The following POU6F2 variants were observed in gnomAD, a reference collection of about 807,000 sequenced individuals.
POU6F2 encodes the protein POU class 6 homeobox 2, also known as POU domain, class 6, transcription factor 2.
A neutral mutation model predicts 71.3 loss-of-function variants in POU6F2; 31 were observed. The observed-to-expected ratio is 0.43, with a 90% CI of 0.33 to 0.59. The LOEUF is 0.59. POU6F2 is among the 20% of genes least tolerant of loss of function. The pLI is 0.04. For missense variants in POU6F2, 783 were observed against 856.8 expected (o/e 0.91, Z 1.07); for synonymous variants, 347 against 355.7 (o/e 0.98, Z 0.27).
intron 2 of POU6F2, among the ~76,000 whole-genome samples, chr7:39,133,412 C>T (rs1792329159): frequency 6.6e-6 from 1 of 152,202 alleles, no homozygotes; most frequent in Non-Finnish European, 1.5e-5. Context: ...GTGTCAGTGT[C>T]TTATCTGCAA....
chr7:39,394,653 C>G (rs955170163), intron 5 of POU6F2, among the ~76,000 whole-genome samples: 1 of 152,166 alleles, frequency 6.6e-6, no homozygotes, highest in Non-Finnish European at 1.5e-5. Flanking sequence ...TTTCTGACAT[C>G]CCACAATCCC....
intron 7 of POU6F2, among the ~76,000 whole-genome samples, chr7:39,443,175 C>G (rs1788444568): frequency 1.3e-5 from 2 of 152,304 alleles, no homozygotes; most frequent in South Asian, 4.1e-4. Flanking sequence ...CTAACCACCA[C>G]CACTGTCCTC....
intron 4 of POU6F2, among the ~76,000 whole-genome samples, chr7:39,250,253 C>G (rs926255141): frequency 9.9e-5 from 15 of 152,170 alleles, no homozygotes; most frequent in Admixed American, 3.3e-4. Context: ...AAACAGTGAC[C>G]GTGATCTTGA....
At chr7:39,223,146 A>G (rs925810601) in intron 4 of POU6F2, among the ~76,000 whole-genome samples, 1 of 152,116 alleles carries the variant, frequency 6.6e-6, no homozygotes, top group African/African-American at 2.4e-5. Context: ...GTGATATCTC[A>G]TTATGGTTGA....
At chr7:39,260,341 C>T (rs990481025) in intron 4 of POU6F2, among the ~76,000 whole-genome samples, 5 of 150,152 alleles carry the variant, frequency 3.3e-5, no homozygotes, top group African/African-American at 4.9e-5. Flanking sequence ...ACCACACACT[C>T]TATACACATA....
At chr7:39,190,820 C>T (rs367922114) in intron 2 of POU6F2, among the ~76,000 whole-genome samples, 1 of 151,456 alleles carries the variant, frequency 6.6e-6, no homozygotes, top group Non-Finnish European at 1.5e-5. Flanking sequence ...GTATTTTTAG[C>T]AGAGACGAGG....
At chr7:39,443,154 C>A (rs1277801265) in intron 7 of POU6F2, among the ~76,000 whole-genome samples, 1 of 152,164 alleles carries the variant, frequency 6.6e-6, no homozygotes, top group Non-Finnish European at 1.5e-5. Flanking sequence ...TATGGTCAGT[C>A]CTCTGCTAGT....
intron 1 of POU6F2, among the ~76,000 whole-genome samples, chr7:39,009,968 A>G (rs1789218726): frequency 2.0e-5 from 3 of 152,042 alleles, no homozygotes; most frequent in African/African-American, 4.8e-5. Flanking sequence ...CATCAAGGAT[A>G]CTGGTCTAAA....
At chr7:39,289,837 C>A (rs1285007346) in intron 4 of POU6F2, among the ~76,000 whole-genome samples, 2 of 152,080 alleles carry the variant, frequency 1.3e-5, no homozygotes, top group Admixed American at 1.3e-4. Context: ...GTGGGGCAAT[C>A]CTCATGGGGC....
At chr7:39,114,772 C>A (rs192038603) in intron 2 of POU6F2, among the ~76,000 whole-genome samples, 25 of 152,052 alleles carry the variant, frequency 1.6e-4, no homozygotes, top group Admixed American at 9.8e-4. Context: ...GTATTGTGAG[C>A]GCTTTGCTGC....
chr7:39,033,787 A>G (rs1476641932), intron 1 of POU6F2, among the ~76,000 whole-genome samples: 1 of 152,208 alleles, frequency 6.6e-6, no homozygotes, highest in African/African-American at 2.4e-5. Context: ...AATCTTTCAT[A>G]CATTTATAGA....
intron 4 of POU6F2, among the ~76,000 whole-genome samples, chr7:39,216,176 G>A (rs1794239243): frequency 6.6e-6 from 1 of 152,100 alleles, no homozygotes; most frequent in Admixed American, 6.6e-5. Flanking sequence ...GCACAAAATT[G>A]GAAACTATAT....
intron 4 of POU6F2, among the ~76,000 whole-genome samples, chr7:39,327,278 CA>C (rs35085212): frequency 0.19 from 23,151 of 122,164 alleles, 1,693 homozygotes; most frequent in Middle Eastern, 0.22. Context: ...GACTCTGTCT[CA>C]AAAAAAAAAA....
At chr7:39,037,415 T>A (rs1790090514) in intron 1 of POU6F2, among the ~76,000 whole-genome samples, 2 of 152,130 alleles carry the variant, frequency 1.3e-5, no homozygotes, top group South Asian at 4.1e-4. Context: ...GGGGTCATAT[T>A]TTTACCCAGA....
At chr7:39,270,223 T>C (rs1784317752) in intron 4 of POU6F2, among the ~76,000 whole-genome samples, 1 of 152,212 alleles carries the variant, frequency 6.6e-6, no homozygotes, top group African/African-American at 2.4e-5. Flanking sequence ...CCATGTGACT[T>C]GTGACACGTG....
chr7:39,166,616 T>G (rs1793121617), intron 2 of POU6F2, among the ~76,000 whole-genome samples: 1 of 152,142 alleles, frequency 6.6e-6, no homozygotes, highest in African/African-American at 2.4e-5. Context: ...CTTAGGAAAG[T>G]CACACTTCCA....
intron 2 of POU6F2, among the ~76,000 whole-genome samples, chr7:39,158,694 G>C (rs765158300): frequency 1.3e-5 from 2 of 152,074 alleles, no homozygotes; most frequent in Admixed American, 1.3e-4. Context: ...CTGTCTTTTT[G>C]TTCTATTCAG....
intron 1 of POU6F2, among the ~76,000 whole-genome samples, chr7:39,032,557 G>A (rs754117470): frequency 2.6e-5 from 4 of 152,194 alleles, no homozygotes; most frequent in African/African-American, 9.6e-5. Context: ...CATGAAAGTA[G>A]CGCATCCTGT....
At position 39,419,410 on chromosome 7, in the gene POU6F2, C is replaced by A. The variant is rs185256066; in HGVS notation, c.1113+12670C>A. ...CGCACCATCACGGCCCACTAATTTTCGTATTTTTTAATAGAGATGGAGTTT... is the reference window on the plus strand; with the variant it reads ...CGCACCATCACGGCCCACTAATTTTAGTATTTTTTAATAGAGATGGAGTTT... On this transcript the variant is annotated intron_variant, in intron 6 of 9. Transcript: ENST00000518318. Among the ~76,000 whole-genome samples, 9 of 151,770 alleles carry A rather than the reference C, an allele frequency of 5.9e-5. No individual in the cohort carries two copies. In the East Asian group the frequency reaches 1.8e-3, roughly 30 times the overall value.
Sources: gnomAD v4.1 joint callset for allele counts (sites outside exome capture counted in the v4.1 genomes callset) on GRCh38, gnomAD v4.1.1 for gene constraint, MANE v1.5 for transcripts, NCBI Gene and HGNC (gene_info 2026-07-23, HGNC 2026-07-21) for gene names.